HTR1F: variants seen among roughly 807,000 people sequenced by gnomAD.
HTR1F encodes the protein 5-hydroxytryptamine (serotonin) receptor 1F, G protein-coupled.
A neutral mutation model predicts 24.0 loss-of-function variants in HTR1F; 17 were observed. That is an observed-to-expected ratio of 0.71 (90% CI 0.48 to 1.06). The LOEUF (loss-of-function observed/expected upper bound fraction) is 1.06. HTR1F is among the 50% of genes least tolerant of loss of function. The pLI is 0.00. For synonymous variants in HTR1F, 186 were observed against 156.8 expected, an observed-to-expected ratio of 1.19 and a Z score of -1.39; for missense variants, 391 against 427.8, an observed-to-expected ratio of 0.91 and a Z score of 0.76.
chr3:87,878,182 T>G (rs1388215471), intron 2 of HTR1F, among the ~76,000 whole-genome samples: 3 of 152,158 alleles, frequency 2.0e-5, no homozygotes, highest in Non-Finnish European at 4.4e-5. Context: ...GCAGAGGTTT[T>G]GCTTTGAAAA....
intron 1 of HTR1F, among the ~76,000 whole-genome samples, chr3:87,816,322 A>C (rs1190546696): frequency 2.6e-5 from 4 of 152,012 alleles, no homozygotes; most frequent in Non-Finnish European, 5.9e-5. Context: ...GACTTTTTTT[A>C]CATTTTAAGC....
intron 2 of HTR1F, among the ~76,000 whole-genome samples, chr3:87,832,709 C>A (rs1704608733): frequency 3.9e-5 from 6 of 152,212 alleles, no homozygotes; most frequent in Admixed American, 3.3e-4. Flanking sequence ...AAACTTTGGC[C>A]TCTTGGAGAG....
Position 87,915,817 on chromosome 3 carries a change from G to C in HTR1F, c.-42-74891G>C, listed in dbSNP as rs540575119. 4.6e-5 allele frequency among the ~76,000 whole-genome samples: 7 copies of C among 152,266 alleles called. No individual in the cohort carries two copies. The East Asian group carries it at 1.4e-3, about 29-fold the overall frequency. ...AATCAAGGAAAACTTCCCCAGCCAT[G>C]CTAGAGACCTAGAAATCCAAATACA... On this transcript the variant is annotated intron_variant, in intron 2 of 2. Transcript: ENST00000319595.
At chr3:87,894,240 A>G (rs1706149138) in intron 2 of HTR1F, among the ~76,000 whole-genome samples, 1 of 152,002 alleles carries the variant, frequency 6.6e-6, no homozygotes, top group Non-Finnish European at 1.5e-5. Flanking sequence ...TTGCATCCTC[A>G]TAGCTTAGCT....
At chr3:87,794,549 A>C (rs1184690639) in intron 1 of HTR1F, among the ~76,000 whole-genome samples, 1 of 152,218 alleles carries the variant, frequency 6.6e-6, no homozygotes, top group East Asian at 1.9e-4. Context: ...TTTTAATCCA[A>C]GGAAGTTCAG....
chr3:87,983,117 G>A (rs1007209170), intron 2 of HTR1F, among the ~76,000 whole-genome samples: 39 of 152,152 alleles, frequency 2.6e-4, no homozygotes, highest in Admixed American at 1.4e-3. Flanking sequence ...CAGACATCTA[G>A]GAAACACAAG....
Position 87,884,403 on chromosome 3 carries a change from T to C in HTR1F, c.-43+62279T>C, listed in dbSNP as rs185199045. 3.0e-4 allele frequency among the ~76,000 whole-genome samples: 45 copies of C among 152,166 alleles called. 1 individual carries two copies. In the East Asian group the frequency reaches 5.2e-3, roughly 18 times the overall value. On this transcript the variant is annotated intron_variant, in intron 2 of 2. Transcript: ENST00000319595. ...ATCAGCCACTGCAAAACATGCCAAA[T>C]TGTAAAGACCATCAATGCTAGGAAG...
intron 2 of HTR1F, among the ~76,000 whole-genome samples, chr3:87,889,467 A>T (rs1303304528): frequency 6.6e-6 from 1 of 152,202 alleles, no homozygotes; most frequent in African/African-American, 2.4e-5. Flanking sequence ...TTTCTAAAAC[A>T]CAAAAGATCT....
At chr3:87,928,272 C>T (rs1704176430) in intron 2 of HTR1F, among the ~76,000 whole-genome samples, 1 of 152,102 alleles carries the variant, frequency 6.6e-6, no homozygotes, top group Non-Finnish European at 1.5e-5. Context: ...TCTCAAACTC[C>T]TGTCCTCAAG....
intron 2 of HTR1F, among the ~76,000 whole-genome samples, chr3:87,923,194 G>A (rs767755894): frequency 6.6e-6 from 1 of 151,886 alleles, no homozygotes; most frequent in East Asian, 1.9e-4. Flanking sequence ...AAGTCAGGTG[G>A]TATGATGCCT....
intron 2 of HTR1F, among the ~76,000 whole-genome samples, chr3:87,836,990 G>GTTAGT (rs1244155919): frequency 6.6e-6 from 1 of 151,912 alleles, no homozygotes; most frequent in African/African-American, 2.4e-5. Flanking sequence ...GTGATATATT[G>GTTAGT]TTAGTTTTTT....
chr3:87,831,161 T>G (rs1704565695), intron 2 of HTR1F, among the ~76,000 whole-genome samples: 1 of 151,796 alleles, frequency 6.6e-6, no homozygotes, highest in Non-Finnish European at 1.5e-5. Context: ...TCTTGAAATA[T>G]TCTTATATAT....
intron 2 of HTR1F, among the ~76,000 whole-genome samples, chr3:87,927,741 AC>A (rs1704161800): frequency 6.6e-6 from 1 of 152,170 alleles, no homozygotes; most frequent in Non-Finnish European, 1.5e-5. Flanking sequence ...TGCAACACAT[AC>A]TTTTTCATGC....
chr3:87,953,962 T>TA (rs1311893664), intron 2 of HTR1F, among the ~76,000 whole-genome samples: 1 of 151,786 alleles, frequency 6.6e-6, no homozygotes, highest in East Asian at 1.9e-4. Context: ...TGTTCTAACT[T>TA]ACATGTGGAA....
chr3:87,951,002 C>A (rs1462561487), intron 2 of HTR1F, among the ~76,000 whole-genome samples: 1 of 152,090 alleles, frequency 6.6e-6, no homozygotes, highest in Non-Finnish European at 1.5e-5. Flanking sequence ...CTGGGTCTAA[C>A]AAAAGTGATT....
At chr3:87,895,005 T>C (rs934439605) in intron 2 of HTR1F, among the ~76,000 whole-genome samples, 15 of 152,094 alleles carry the variant, frequency 9.9e-5, no homozygotes, top group African/African-American at 3.6e-4. Flanking sequence ...AAAGTCAAAA[T>C]AGTAAATTGG....
intron 2 of HTR1F, among the ~76,000 whole-genome samples, chr3:87,892,085 A>T (rs1051937931): frequency 6.6e-6 from 1 of 152,222 alleles, no homozygotes; most frequent in African/African-American, 2.4e-5. Flanking sequence ...CTTTGGTATC[A>T]GCCCCTTTAT....
rs745540576 is a variant in HTR1F, at chr3:87,991,673, T to C, written c.924T>C (p.Pro308=). Residue 308 remains proline (P), a synonymous_variant, in exon 3 of 3, where the codon CCT becomes CCC. Coordinates refer to ENST00000319595, the MANE Select transcript of HTR1F (RefSeq NM_001322209.2). ...ILGAFVICWL[P]FFVKELVVNV... ...GTGCATTTGTAATATGTTGGCTTCC[T>C]TTTTTTGTAAAAGAATTAGTTGTTA... 121 of 1,611,570 alleles carry C rather than the reference T, an allele frequency of 7.5e-5. No individual in the cohort carries two copies. Among genetic ancestry groups the C allele is most frequent in the Non-Finnish European group, 2.0e-5 (24 of 1,178,544 alleles).
chr3:87,798,808 C>T (rs1703948134), intron 1 of HTR1F, among the ~76,000 whole-genome samples: 1 of 152,170 alleles, frequency 6.6e-6, no homozygotes, highest in Non-Finnish European at 1.5e-5. Context: ...TCATCCATGC[C>T]TTATTTTTCC....
Sources: gnomAD v4.1 joint callset for allele counts (sites outside exome capture counted in the v4.1 genomes callset) on GRCh38, gnomAD v4.1.1 for gene constraint, MANE v1.5 for transcripts, NCBI Gene and HGNC (gene_info 2026-07-23, HGNC 2026-07-21) for gene names.